The following ESRRG variants were observed in gnomAD, a reference collection of about 807,000 sequenced individuals.
ESRRG encodes the protein estrogen related receptor gamma, also known as estrogen-related receptor gamma.
Under a neutral mutation model 44.0 loss-of-function variants are expected in ESRRG, and 13 were observed. The ratio of observed to expected loss-of-function variants is 0.30; its 90% CI spans 0.19 to 0.47. The LOEUF (loss-of-function observed/expected upper bound fraction) is 0.47. Ranked by LOEUF, ESRRG falls within the 20% of genes least tolerant of loss-of-function variation. ESRRG has a pLI of 1.00. For synonymous variants in ESRRG, 215 were observed against 214.6 expected, an observed-to-expected ratio of 1.00 and a Z score of -0.02; for missense variants, 395 against 580.6, an observed-to-expected ratio of 0.68 and a Z score of 3.29.
intron 5 of ESRRG, 30 bp from the exon 6 acceptor site, chr1:216,519,451 C>G (rs1267250582): frequency 1.9e-6 from 3 of 1,576,970 alleles, no homozygotes; most frequent in Non-Finnish European, 2.6e-6. Context: ...GATCAAGTTA[C>G]TTTAAAGCCA....
chr1:216,755,950 C>A (rs1453494529), intron 2 of ESRRG, among the ~76,000 whole-genome samples: 3 of 151,994 alleles, frequency 2.0e-5, no homozygotes. Context: ...CCCTGGCCCC[C>A]CTGCACATTA....
intron 2 of ESRRG, among the ~76,000 whole-genome samples, chr1:216,765,372 G>A (rs1298290471): frequency 2.0e-5 from 3 of 152,090 alleles, no homozygotes. Context: ...TATGCATTAA[G>A]TTGTTGGATG....
At chr1:216,736,328 C>A (rs1413289751) in intron 2 of ESRRG, among the ~76,000 whole-genome samples, 1 of 151,652 alleles carries the variant, frequency 6.6e-6, no homozygotes, top group Admixed American at 6.6e-5. Flanking sequence ...GGACTACAGC[C>A]GTCCGCCACC....
chr1:216,661,993 C>T (rs892531961), intron 2 of ESRRG, among the ~76,000 whole-genome samples: 1 of 152,082 alleles, frequency 6.6e-6, no homozygotes, highest in Non-Finnish European at 1.5e-5. Context: ...GAGTTACCTT[C>T]TTTATGAATG....
chr1:216,764,324 T>C (rs1049421263), intron 2 of ESRRG, among the ~76,000 whole-genome samples: 1 of 151,688 alleles, frequency 6.6e-6, no homozygotes, highest in Non-Finnish European at 1.5e-5. Context: ...AGGTGGAGTG[T>C]AGTGGCACAA....
intron 1 of ESRRG, among the ~76,000 whole-genome samples, chr1:216,695,711 T>C (rs191048506): frequency 1.3e-5 from 2 of 152,284 alleles, no homozygotes; most frequent in Admixed American, 6.5e-5. Flanking sequence ...ATGAACCTGA[T>C]CTTATGAGTT....
intron 2 of ESRRG, among the ~76,000 whole-genome samples, chr1:216,774,234 T>A (rs932670221): frequency 1.3e-5 from 2 of 152,076 alleles, no homozygotes; most frequent in African/African-American, 4.8e-5. Context: ...TCTCCCTGCC[T>A]CCTTACCTTC....
At chr1:217,024,466 C>A (rs2080884641) in intron 1 of ESRRG, among the ~76,000 whole-genome samples, 1 of 152,004 alleles carries the variant, frequency 6.6e-6, no homozygotes. Context: ...CCAAGAAGGA[C>A]CTTCCCAATC....
chr1:216,506,521 T>TC lies in ESRRG; in HGVS notation c.*417_*418insG. ...AAGGAAAGGGGGAAGGGAGGATTTTTTTTTAAACTAAAGCTATTTCAAATT... is the reference window on the plus strand; with the variant it reads ...AAGGAAAGGGGGAAGGGAGGATTTTTCTTTTAAACTAAAGCTATTTCAAATT... On this transcript the variant is annotated 3_prime_UTR_variant, in exon 7 of 7. Transcript: ENST00000408911. The TC allele has an allele frequency of 2.5e-6, 1 of 408,064 alleles. No homozygotes were observed. The highest frequency in any genetic ancestry group is 4.8e-6 in the Non-Finnish European group (1 of 208,836). The allele number at this position is 408,064 out of a possible 1,614,324, so 25.3% of individuals were successfully genotyped here.
intron 1 of ESRRG, among the ~76,000 whole-genome samples, chr1:216,712,224 A>G (rs1374216164): frequency 2.6e-5 from 4 of 152,200 alleles, no homozygotes; most frequent in East Asian, 1.9e-4. Flanking sequence ...TACGTATTCA[A>G]TGGAGTGTTT....
chr1:216,933,311 GA>G (rs1197486001), intron 2 of ESRRG, among the ~76,000 whole-genome samples: 1 of 152,052 alleles, frequency 6.6e-6, no homozygotes, highest in African/African-American at 2.4e-5. Context: ...TAATGAGATG[GA>G]GCCACTTTTC....
intron 1 of ESRRG, among the ~76,000 whole-genome samples, chr1:216,702,697 A>T (rs2081626121): frequency 6.6e-6 from 1 of 151,114 alleles, no homozygotes; most frequent in Non-Finnish European, 1.5e-5. Context: ...GAATCGCTTG[A>T]ACCCAGGGAA....
intron 2 of ESRRG, among the ~76,000 whole-genome samples, chr1:216,729,285 A>ACAC (rs1227359294): frequency 2.0e-5 from 3 of 152,206 alleles, no homozygotes; most frequent in Non-Finnish European, 2.9e-5. Flanking sequence ...GCACCTTCTT[A>ACAC]CACCCTCAAT....
intron 1 of ESRRG, among the ~76,000 whole-genome samples, chr1:216,973,592 C>T (rs536177859): frequency 4.6e-5 from 7 of 152,122 alleles, no homozygotes; most frequent in African/African-American, 7.2e-5. Flanking sequence ...TTTGGGAGGC[C>T]GAGGCGGGTG....
intron 1 of ESRRG, among the ~76,000 whole-genome samples, chr1:216,980,439 A>G (rs1890552): frequency 0.14 from 21,761 of 152,152 alleles, 1,885 homozygotes; most frequent in East Asian, 0.42. Flanking sequence ...AACCCAGTCA[A>G]TGGCACCATA....
intron 1 of ESRRG, among the ~76,000 whole-genome samples, chr1:216,987,856 C>G (rs2075113120): frequency 6.6e-6 from 1 of 152,136 alleles, no homozygotes; most frequent in African/African-American, 2.4e-5. Flanking sequence ...CACCCAAGCT[C>G]TAACCAATGA....
At position 217,030,379 on chromosome 1, in the gene ESRRG, G is replaced by A. The variant is rs143131274; in HGVS notation, c.-106+59128C>T. Among the ~76,000 whole-genome samples the A allele has an allele frequency of 5.5e-4, 84 of 152,244 alleles. 2 individuals are homozygous for A. In the East Asian group the frequency reaches 0.013, roughly 24 times the overall value. ...ACCCGAAACTCAACCATTTTCCTAT[G>A]ACTCCCAGGTAGAAAATCATTAATC... is the stretch of plus-strand genomic sequence containing the variant. On this transcript the variant is annotated intron_variant, in intron 1 of 7. Coordinates refer to the ESRRG transcript ENST00000359162.
At chr1:216,871,530 AT>A (rs943049765) in intron 2 of ESRRG, among the ~76,000 whole-genome samples, 1 of 151,824 alleles carries the variant, frequency 6.6e-6, no homozygotes, top group Non-Finnish European at 1.5e-5. Flanking sequence ...AGTCTTGATG[AT>A]TTTTTTCTCT....
chr1:216,616,776 C>G (rs1160013256), intron 3 of ESRRG, among the ~76,000 whole-genome samples: 1 of 152,186 alleles, frequency 6.6e-6, no homozygotes. Context: ...ACAGGAGATA[C>G]AGGGCAGGTT....
Sources: allele counts gnomAD v4.1 joint callset (sites outside exome capture counted in the v4.1 genomes callset), GRCh38; gene constraint gnomAD v4.1.1; transcripts MANE v1.5; gene names NCBI Gene and HGNC (gene_info 2026-07-23, HGNC 2026-07-21).